The following MAPK4 variants were observed in gnomAD, a reference collection of about 807,000 sequenced individuals.
The protein encoded by MAPK4 is Erk3-related.
In MAPK4, 22 loss-of-function variants were observed where a neutral mutation model predicts 47.7. That is an observed-to-expected ratio of 0.46 (90% CI 0.33 to 0.66). MAPK4 has a LOEUF of 0.66. MAPK4 is among the 30% of genes least tolerant of loss of function. The pLI is 0.02. For synonymous variants in MAPK4, 390 were observed against 365.7 expected (o/e 1.07, Z -0.76); for missense variants, 736 against 831.7 (o/e 0.88, Z 1.42).
intron 1 of MAPK4, among the ~76,000 whole-genome samples, chr18:50,635,094 T>A (rs1372685834): frequency 2.6e-5 from 4 of 152,218 alleles, no homozygotes; most frequent in African/African-American, 9.6e-5. Context: ...GTATCTGTCT[T>A]ACTAATCATT....
At chr18:50,585,532 C>T (rs1358789945) in intron 1 of MAPK4, among the ~76,000 whole-genome samples, 2 of 152,118 alleles carry the variant, frequency 1.3e-5, no homozygotes, top group African/African-American at 4.8e-5. Context: ...TTGCATGCAC[C>T]TGCAAGTCCC....
intron 2 of MAPK4, among the ~76,000 whole-genome samples, chr18:50,700,372 C>A (rs1909724725): frequency 6.6e-6 from 1 of 152,210 alleles, no homozygotes; most frequent in African/African-American, 2.4e-5. Context: ...AACAAAATAC[C>A]TAGTCCCTCT....
At chr18:50,651,520 T>G (rs1056587335) in intron 1 of MAPK4, among the ~76,000 whole-genome samples, 1 of 152,206 alleles carries the variant, frequency 6.6e-6, no homozygotes, top group South Asian at 2.1e-4. Flanking sequence ...CAAAAGCAAG[T>G]GTACAACCAC....
At chr18:50,573,507 A>G (rs75376611) in intron 1 of MAPK4, among the ~76,000 whole-genome samples, 40,024 of 152,068 alleles carry the variant, frequency 0.26, 5,310 homozygotes, top group South Asian at 0.32. Flanking sequence ...CATGCTCCTT[A>G]TGAGAATCTA....
chr18:50,570,622 C>G (rs1165571895), intron 1 of MAPK4, among the ~76,000 whole-genome samples: 1 of 152,204 alleles, frequency 6.6e-6, no homozygotes, highest in Non-Finnish European at 1.5e-5. Context: ...CCATCAGATC[C>G]AGGCTCAGGA....
At chr18:50,714,885 AC>A (rs1910556993) in intron 2 of MAPK4, among the ~76,000 whole-genome samples, 193 bp from the exon 3 acceptor site, 1 of 152,088 alleles carries the variant, frequency 6.6e-6, no homozygotes, top group South Asian at 2.1e-4. Flanking sequence ...AAGCATTTCA[AC>A]CCCACAAACC....
At position 50,729,501 on chromosome 18, in the gene MAPK4, C is replaced by T. The variant is rs1273189801; in HGVS notation, c.1411C>T (p.Pro471Ser). Residue 471 changes from proline to serine, a missense_variant, in exon 6 of 6, where the codon CCC becomes TCC. Transcript: ENST00000400384. ...CTGGAAGCAGGCGGCCGGCGCGCCC[C>T]CCACGGCCACGGGGCTGGCGGACAC... is the stretch of plus-strand genomic sequence containing the variant. ...SHWKQAAGAP[P>S]TATGLADTGA... 6.2e-6 allele frequency: 9 copies of T among 1,455,864 alleles called. No homozygotes were observed. The highest frequency in any genetic ancestry group is 5.2e-5 in the Admixed American group (2 of 38,684). 90.2% of individuals were successfully genotyped at this position (1,455,864 alleles called of 1,614,324 possible).
rs560221941 is a variant in MAPK4, at chr18:50,593,118, A to G, written c.-871+32875A>G. On this transcript the variant is annotated intron_variant, in intron 1 of 5. Transcript: ENST00000400384. ...CAGAGATGGGACTGGAACACAGGCAACCAGCCTCCAAACTGTGCACTTAAT... is the reference window on the plus strand; with the variant it reads ...CAGAGATGGGACTGGAACACAGGCAGCCAGCCTCCAAACTGTGCACTTAAT... Among the ~76,000 whole-genome samples, 6 of 152,318 alleles carry G rather than the reference A, an allele frequency of 3.9e-5. No individual in the cohort carries two copies. The South Asian group carries it at 1.2e-3, about 32-fold the overall frequency.
chr18:50,655,159 G>A (rs1174155521), intron 1 of MAPK4, among the ~76,000 whole-genome samples: 1 of 152,168 alleles, frequency 6.6e-6, no homozygotes, highest in Non-Finnish European at 1.5e-5. Flanking sequence ...CAGGGTGGGT[G>A]GCATCACTGC....
chr18:50,630,845 C>T (rs886540396), intron 1 of MAPK4, among the ~76,000 whole-genome samples: 10 of 152,204 alleles, frequency 6.6e-5, no homozygotes, highest in Non-Finnish European at 1.3e-4. Context: ...TTGTTTTTCC[C>T]AGCTGGGAGC....
chr18:50,725,838 TA>T, intron 4 of MAPK4, 123 bp from the exon 5 acceptor site: 2 of 837,066 alleles, frequency 2.4e-6, no homozygotes, highest in Non-Finnish European at 2.0e-6. Flanking sequence ...AGAAAATGGC[TA>T]AAAACCTTTT....
chr18:50,666,928 A>G (rs1178284307), intron 2 of MAPK4, among the ~76,000 whole-genome samples: 3 of 152,212 alleles, frequency 2.0e-5, no homozygotes, highest in African/African-American at 7.2e-5. Flanking sequence ...AATGCTGTGA[A>G]GCACTTAGGG....
chr18:50,571,909 A>T (rs1044385086), intron 1 of MAPK4, among the ~76,000 whole-genome samples: 4 of 152,220 alleles, frequency 2.6e-5, no homozygotes, highest in Non-Finnish European at 2.9e-5. Context: ...AGAATGGTAA[A>T]GTATTATAGC....
intron 2 of MAPK4, among the ~76,000 whole-genome samples, chr18:50,699,342 G>T (rs1040547203): frequency 6.6e-6 from 1 of 152,158 alleles, no homozygotes; most frequent in Middle Eastern, 3.2e-3. Flanking sequence ...ACACATAAAG[G>T]TGTTCACTAT....
At chr18:50,646,925 G>A (rs113600179) in intron 1 of MAPK4, among the ~76,000 whole-genome samples, 2,701 of 152,182 alleles carry the variant, frequency 0.018, 76 homozygotes, top group African/African-American at 0.06. Flanking sequence ...CAAAGTAATG[G>A]TCTCCTTGCT....
intron 2 of MAPK4, among the ~76,000 whole-genome samples, chr18:50,691,138 G>T (rs1598916074): frequency 6.6e-6 from 1 of 152,144 alleles, no homozygotes; most frequent in Non-Finnish European, 1.5e-5. Context: ...GACTACAGGT[G>T]TGTGCCACCA....
chr18:50,665,314 G>A (rs934486156), intron 2 of MAPK4, among the ~76,000 whole-genome samples: 32 of 152,142 alleles, frequency 2.1e-4, no homozygotes, highest in Admixed American at 5.9e-4. Context: ...CCCCTGCCCC[G>A]GGTTCCTGCC....
chr18:50,700,604 C>T (rs997704219), intron 2 of MAPK4, among the ~76,000 whole-genome samples: 1 of 152,200 alleles, frequency 6.6e-6, no homozygotes, highest in African/African-American at 2.4e-5. Flanking sequence ...AACTGTGAAG[C>T]AGGCAGACTT....
At chr18:50,583,058 C>T (rs1375789514) in intron 1 of MAPK4, among the ~76,000 whole-genome samples, 3 of 152,200 alleles carry the variant, frequency 2.0e-5, no homozygotes, top group African/African-American at 7.2e-5. Context: ...GGTTCATGTC[C>T]TGTGACCAAG....
Sources: gnomAD v4.1 joint callset for allele counts (sites outside exome capture counted in the v4.1 genomes callset) on GRCh38, gnomAD v4.1.1 for gene constraint, MANE v1.5 for transcripts, NCBI Gene and HGNC (gene_info 2026-07-23, HGNC 2026-07-21) for gene names.